TMEM183A: variants seen among roughly 807,000 people sequenced by gnomAD.
TMEM183A encodes transmembrane protein 183A.
In TMEM183A, 21 loss-of-function variants were observed where a neutral mutation model predicts 46.7. That is an observed-to-expected ratio of 0.45 (90% confidence interval 0.32 to 0.65). The LOEUF (loss-of-function observed/expected upper bound fraction) is 0.65, where lower values mean the gene tolerates loss of function less well. Ranked by LOEUF, TMEM183A falls within the 30% of genes least tolerant of loss-of-function variation. The pLI, the probability that TMEM183A is intolerant of heterozygous loss-of-function variation, is 0.04. For synonymous variants in TMEM183A, 165 were observed against 180.2 expected, an observed-to-expected ratio of 0.92 and a Z score of 0.68; for missense variants, 331 against 481.9, an observed-to-expected ratio of 0.69 and a Z score of 2.93.
intron 3 of TMEM183A, among the ~76,000 whole-genome samples, chr1:203,011,939 C>CT (rs1322573717): frequency 1.6e-5 from 2 of 122,564 alleles, no homozygotes; most frequent in Non-Finnish European, 3.5e-5. Flanking sequence ...TATTTTTCTT[C>CT]TTTTTTTAAA....
chr1:203,008,556 C>T (rs775136648), intron 2 of TMEM183A, 87 bp from the exon 3 acceptor site: 33 of 1,216,422 alleles, frequency 2.7e-5, no homozygotes, highest in Non-Finnish European at 3.5e-5. Context: ...CCCCCCTTTC[C>T]TGAATGGATG....
At chr1:203,018,623 C>T (rs1657393147) in intron 6 of TMEM183A, 62 bp downstream of exon 6, 1 of 1,548,968 alleles carries the variant, frequency 6.5e-7, no homozygotes, top group Non-Finnish European at 8.8e-7. Context: ...CCCTAGATAT[C>T]TTTCTTAGTC....
intron 2 of TMEM183A, 107 bp from the exon 3 acceptor site, chr1:203,008,536 T>C (rs897801245): frequency 1.5e-6 from 1 of 651,234 alleles, no homozygotes; most frequent in Non-Finnish European, 2.2e-6. Flanking sequence ...CTCTCAACGA[T>C]GTTTTTTTTC....
intron 6 of TMEM183A, among the ~76,000 whole-genome samples, chr1:203,020,178 A>G (rs1328417485): frequency 6.6e-6 from 1 of 152,206 alleles, no homozygotes; most frequent in Non-Finnish European, 1.5e-5. Flanking sequence ...ATTTATTTCA[A>G]AAACATGGTT....
At chr1:203,015,082 G>A (rs1657040118) in intron 4 of TMEM183A, 34 bp downstream of exon 4, 1 of 1,604,922 alleles carries the variant, frequency 6.2e-7, no homozygotes, top group Non-Finnish European at 8.5e-7. Flanking sequence ...TTTTATCTGT[G>A]TGGCTGATTT....
chr1:203,020,945 T>C lies in TMEM183A; in HGVS notation c.942T>C (p.Thr314=). The C allele has an allele frequency of 6.2e-7, 1 of 1,606,522 alleles. No homozygotes were observed. Among genetic ancestry groups the C allele is most frequent in the Non-Finnish European group, 8.5e-7 (1 of 1,176,732 alleles). ...FIPIVMGMIF[T]LFTINVSTDM... is the part of the protein sequence containing the mutation. ...CGATTGTCATGGGAATGATATTTAC[T>C]CTGGTAAGTGGGGACTCAGGATGTC... The change falls in exon 7 of 8, where the codon ACT becomes ACC. Residue 314 remains threonine (T), a synonymous_variant. Transcript: ENST00000367242.
intron 7 of TMEM183A, among the ~76,000 whole-genome samples, chr1:203,022,531 T>A (rs1657794250): frequency 6.6e-6 from 1 of 151,970 alleles, no homozygotes; most frequent in African/African-American, 2.4e-5. Flanking sequence ...GGCAAAACCC[T>A]GTCTCTACTA....
chr1:203,014,180 C>T (rs368268992), intron 3 of TMEM183A, among the ~76,000 whole-genome samples: 1 of 152,324 alleles, frequency 6.6e-6, no homozygotes, highest in East Asian at 1.9e-4. Context: ...ACTCTTGGTT[C>T]TATTTCCCTT....
At chr1:203,014,239 A>C (rs915325165) in intron 3 of TMEM183A, among the ~76,000 whole-genome samples, 1 of 152,212 alleles carries the variant, frequency 6.6e-6, no homozygotes, top group Non-Finnish European at 1.5e-5. Context: ...GGGCGCAATA[A>C]TATTTTTCTT....
intron 3 of TMEM183A, among the ~76,000 whole-genome samples, chr1:203,012,823 G>A (rs1264689887): frequency 6.6e-6 from 1 of 152,144 alleles, no homozygotes; most frequent in African/African-American, 2.4e-5. Context: ...TCGACATCCT[G>A]GGCTTGATTG....
intron 3 of TMEM183A, among the ~76,000 whole-genome samples, chr1:203,010,887 A>G (rs1383291578): frequency 1.3e-5 from 2 of 152,182 alleles, no homozygotes; most frequent in African/African-American, 4.8e-5. Context: ...GAAACCACTA[A>G]TCTACTTTCT....
At chr1:203,020,109 G>A (rs924917215) in intron 6 of TMEM183A, among the ~76,000 whole-genome samples, 9 of 152,278 alleles carry the variant, frequency 5.9e-5, no homozygotes, top group African/African-American at 1.2e-4. Context: ...TTATTCTCAC[G>A]TGATGGCAGG....
At chr1:203,007,709 G>A in intron 1 of TMEM183A, 65 bp from the exon 2 acceptor site, 1 of 1,600,316 alleles carries the variant, frequency 6.2e-7, no homozygotes, top group African/African-American at 1.3e-5. Context: ...GCGAGGAGGA[G>A]GTGTTGGCGG....
chr1:203,015,852 A>G, intron 4 of TMEM183A, 108 bp from the exon 5 acceptor site: 1 of 1,381,518 alleles, frequency 7.2e-7, no homozygotes, highest in Non-Finnish European at 9.8e-7. Flanking sequence ...TCTACTGGCC[A>G]GTGGAATAGT....
intron 5 of TMEM183A, chr1:203,017,840 G>C (rs1236516360): frequency 1.0e-6 from 1 of 985,782 alleles, no homozygotes; most frequent in Non-Finnish European, 1.2e-6. Flanking sequence ...TAATTTTGAT[G>C]GAACAGCAGG....
chr1:203,018,602 C>T, intron 6 of TMEM183A, 41 bp downstream of exon 6: 2 of 1,586,412 alleles, frequency 1.3e-6, no homozygotes, highest in Middle Eastern at 1.7e-4. Flanking sequence ...ATACCTTGTT[C>T]TAAGAGATTT....
chr1:203,014,806 A>G lies in TMEM183A; in HGVS notation c.368-83A>G, dbSNP rs1045515692. The stretch of plus-strand genomic sequence containing the variant: ...TTAAAACCATTTTCTTAACTGTGCA[A>G]TCAATCCTTGGGAGAAATGAAATTA... On this transcript the variant is annotated intron_variant, in intron 3 of 7. Coordinates refer to ENST00000367242, the MANE Select transcript of TMEM183A (RefSeq NM_138391.6). 3.5e-5 allele frequency: 54 copies of G among 1,546,664 alleles called. No homozygotes were observed. The African/African-American group carries it at 3.7e-4, about 11-fold the overall frequency.
intron 6 of TMEM183A, among the ~76,000 whole-genome samples, chr1:203,019,016 A>C (rs547109114): frequency 9.8e-5 from 15 of 152,366 alleles, no homozygotes; most frequent in Admixed American, 9.1e-4. Flanking sequence ...CAAACATTCA[A>C]ATCATAACAC....
intron 3 of TMEM183A, among the ~76,000 whole-genome samples, chr1:203,010,800 A>G (rs1656498902): frequency 6.6e-6 from 1 of 152,220 alleles, no homozygotes; most frequent in African/African-American, 2.4e-5. Flanking sequence ...CTAAGTTTAG[A>G]ACATTTCCAT....
Sources: gnomAD v4.1 joint callset for allele counts (sites outside exome capture counted in the v4.1 genomes callset) on GRCh38, gnomAD v4.1.1 for gene constraint, MANE v1.5 for transcripts, NCBI Gene and HGNC (gene_info 2026-07-23, HGNC 2026-07-21) for gene names.